FCGR3B: variants seen among roughly 807,000 people sequenced by gnomAD.
FCGR3B encodes Fc gamma receptor IIIb, also known as low affinity immunoglobulin gamma Fc region receptor III-B.
In FCGR3B, 20 loss-of-function variants were observed where a neutral mutation model predicts 26.7. The observed-to-expected ratio is 0.75, with a 90% CI of 0.53 to 1.09. FCGR3B has a LOEUF of 1.09. Among genes scored for constraint, FCGR3B ranks in the 50% least tolerant of loss-of-function variants. FCGR3B has a pLI of 0.00. For synonymous variants in FCGR3B, 79 were observed against 107.0 expected (o/e 0.74, Z 1.62); for missense variants, 191 against 279.7 (o/e 0.68, Z 2.26).
chr1:161,628,000 G>A lies in FCGR3B; in HGVS notation c.320-1598C>T, dbSNP rs189579036. On this transcript the variant is annotated intron_variant, in intron 3 of 4. Coordinates refer to ENST00000650385, the MANE Select transcript of FCGR3B (RefSeq NM_001244753.2). ...AAGAAGTAAAAAATGCAGGCTGGGC[G>A]CGGTGGCTCACATCTGTAATCCTAG... Among the ~76,000 whole-genome samples, 72 of 150,366 alleles carry A rather than the reference G, an allele frequency of 4.8e-4. 3 individuals carry two copies. Among genetic ancestry groups the A allele is most frequent in the Admixed American group, 1.1e-3 (16 of 15,026 alleles).
chr1:161,630,731 C>T (rs513242), intron 1 of FCGR3B: 192,388 of 542,366 alleles, frequency 0.35, 32,273 homozygotes, highest in East Asian at 0.5. Flanking sequence ...AAATTAAAAA[C>T]CATAGAGGAG....
At position 161,626,247 on chromosome 1, in the gene FCGR3B, T is replaced by C. The variant is rs1246204092; in HGVS notation, c.475A>G (p.Ile159Val). Residue 159 changes from isoleucine to valine, a missense_variant, in exon 4 of 5, where the codon ATT becomes GTT. Around this residue, in one of 2 missense-constraint regions of FCGR3B, gnomAD observed 103 missense variants for 114.5 expected, o/e 0.90. Transcript: ENST00000650385. ...CTATCTTTGAGTGTGGCTTTTGGAA[T>C]GTGGAAGTCAGAATTATGATGAAAA... ...KYFHHNSDFH[I>V]PKATLKDSGS... 1 of 1,608,562 alleles carries C rather than the reference T, an allele frequency of 6.2e-7. No homozygotes were observed. The highest frequency in any genetic ancestry group is 8.5e-7 in the Non-Finnish European group (1 of 1,177,700).
chr1:161,630,976 A>T, intron 1 of FCGR3B, 79 bp downstream of exon 1: 1 of 1,511,196 alleles, frequency 6.6e-7, no homozygotes, highest in Non-Finnish European at 8.8e-7. Flanking sequence ...TGGGAGTCTC[A>T]TTCGTAGCCT....
In FCGR3B at chr1:161,628,252, G is replaced by A. The variant is rs1679573026; in HGVS notation, c.319+1526C>T. On this transcript the variant is annotated intron_variant, in intron 3 of 4. Coordinates refer to ENST00000650385, the MANE Select transcript of FCGR3B (RefSeq NM_001244753.2). ...TGCGCCACTGCACTCCAGCTTGGGT[G>A]ACAGAGAGAAACTCTGTCTCAAAAA... Among the ~76,000 whole-genome samples the A allele has an allele frequency of 2.0e-5, 3 of 149,972 alleles. 1 individual carries two copies. The highest frequency in any genetic ancestry group is 7.5e-5 in the African/African-American group (3 of 40,256).
Position 161,629,995 on chromosome 1 carries a change from C to G in FCGR3B, c.102G>C (p.Trp34Cys). Residue 34 changes from tryptophan to cysteine, a missense_variant, in exon 3 of 5, where the codon TGG becomes TGC. Trp to Cys is a radical substitution (Grantham distance 215). This residue lies in a region of FCGR3B where 88 missense variants were observed against 165.2 expected (regional missense o/e 0.53). Coordinates refer to ENST00000650385, the MANE Select transcript of FCGR3B (RefSeq NM_001244753.2). ...PKAVVFLEPQ[W>C]YSVLEKDSVT... The stretch of plus-strand genomic sequence containing the variant: ...CACTGTCCTTCTCAAGCACGCTGTA[C>G]CATTGAGGCTCCAGGAACACCACAG... 4 of 1,384,672 alleles carry G rather than the reference C, an allele frequency of 2.9e-6. 1 individual carries two copies. The highest frequency in any genetic ancestry group is 3.8e-6 in the Non-Finnish European group (4 of 1,040,832). 85.8% of individuals were successfully genotyped at this position (1,384,672 alleles called of 1,614,324 possible).
At chr1:161,631,317 G>A, upstream of FCGR3B, 1 of 1,122,168 alleles carries the variant, frequency 8.9e-7, no homozygotes, top group Non-Finnish European at 1.3e-6. Context: ...CTGGAGGCAA[G>A]GTGGGTGGGT....
At chr1:161,628,186 T>A (rs1425111740) in intron 3 of FCGR3B, among the ~76,000 whole-genome samples, 1 of 149,962 alleles carries the variant, frequency 6.7e-6, no homozygotes, top group Non-Finnish European at 1.5e-5. Flanking sequence ...AGCAGGAGAA[T>A]CGCTGGAACC....
In FCGR3B at chr1:161,626,214, A is replaced by C. The variant is rs371517248; in HGVS notation, c.508T>G (p.Tyr170Asp). Residue 170 changes from tyrosine to aspartate, a missense_variant, in exon 4 of 5, where the codon TAC (tyrosine) becomes GAC (aspartate). Physicochemically the swap from Tyr to Asp is radical, Grantham distance 160. Coordinates refer to ENST00000650385, the MANE Select transcript of FCGR3B (RefSeq NM_001244753.2). ...CTCCCAACAAGCCCCCTGCAGAAGT[A>C]GGAGCCGCTATCTTTGAGTGTGGCT... ...PKATLKDSGSYFCRGLVGSKN... is the reference protein window; with the variant it reads ...PKATLKDSGSDFCRGLVGSKN... The C allele has an allele frequency of 6.2e-7, 1 of 1,608,726 alleles. No individual in the cohort carries two copies. The highest frequency in any genetic ancestry group is 8.5e-7 in the Non-Finnish European group (1 of 1,177,620).
intron 3 of FCGR3B, among the ~76,000 whole-genome samples, chr1:161,627,661 A>G (rs1679530888): frequency 6.7e-6 from 1 of 150,360 alleles, no homozygotes; most frequent in Admixed American, 6.6e-5. Flanking sequence ...GCATAAAGTC[A>G]TGGTTAGTAT....
chr1:161,626,195 A>G lies in FCGR3B; in HGVS notation c.527T>C (p.Val176Ala). Reference sequence around the variant, plus strand: ...CTCTGAAGACACATTTTTACTCCCAACAAGCCCCCTGCAGAAGTAGGAGCC... The same window carrying G: ...CTCTGAAGACACATTTTTACTCCCAGCAAGCCCCCTGCAGAAGTAGGAGCC... ...DSGSYFCRGL[V>A]GSKNVSSETV... The change falls in exon 4 of 5, where the codon GTT (valine) becomes GCT (alanine). Residue 176 changes from valine to alanine, a missense_variant. Physicochemically the swap from Val to Ala is moderately conservative, Grantham distance 64. Transcript: ENST00000650385. 6 of 1,609,606 alleles carry G rather than the reference A, an allele frequency of 3.7e-6. No homozygotes were observed. The highest frequency in any genetic ancestry group is 5.1e-6 in the Non-Finnish European group (6 of 1,178,292).
At chr1:161,627,135 A>G (rs909381432) in intron 3 of FCGR3B, among the ~76,000 whole-genome samples, 1 of 150,286 alleles carries the variant, frequency 6.7e-6, no homozygotes, top group Non-Finnish European at 1.5e-5. Context: ...ACATGAGGTC[A>G]TGGTCGGGAA....
chr1:161,624,090 T>TC lies in FCGR3B; in HGVS notation c.*424dup, dbSNP rs67373090. On this transcript the variant is annotated 3_prime_UTR_variant, in exon 5 of 5. Transcript: ENST00000650385. ...TTTAGGAATAATTATTTTCTTTTTT[T>TC]CCCTCTAAACTGGGTAATTTATAAT... The TC allele has an allele frequency of 0.64, 101,934 of 158,634 alleles. 33,681 individuals carry two copies. The highest frequency in any genetic ancestry group is 0.71 in the Middle Eastern group (213 of 302). 9.8% of individuals were successfully genotyped at this position (158,634 alleles called of 1,614,324 possible). A position where few individuals can be genotyped will look rare whatever the true frequency, so the allele number is the denominator to read the frequency against.
chr1:161,629,439 A>AT lies in FCGR3B; in HGVS notation c.319+338dup, dbSNP rs200446127. Reference sequence around the variant, plus strand: ...GTGATACTCTGTCTCAAAAAATAAAATTAAAAAAAATGAAAATAAATAAAT... The same window carrying AT: ...GTGATACTCTGTCTCAAAAAATAAAATTTAAAAAAAATGAAAATAAATAAAT... On this transcript the variant is annotated intron_variant, in intron 3 of 4. Transcript: ENST00000650385. Among the ~76,000 whole-genome samples the AT allele has an allele frequency of 2.2e-3, 143 of 64,564 alleles. 5 individuals carry two copies. The highest frequency in any genetic ancestry group is 8.0e-3 in the African/African-American group (136 of 17,002). The allele number at this position is 64,564 out of a possible 152,430, so 42.4% of individuals were successfully genotyped here.
chr1:161,626,810 A>C (rs561678613), intron 3 of FCGR3B, among the ~76,000 whole-genome samples: 1 of 150,508 alleles, frequency 6.6e-6, no homozygotes, highest in East Asian at 1.9e-4. Flanking sequence ...CTATTAGAGG[A>C]AAAGGTAGAT....
chr1:161,625,142 C>T (rs1478734142), intron 4 of FCGR3B, among the ~76,000 whole-genome samples: 1 of 136,172 alleles, frequency 7.3e-6, no homozygotes, highest in Non-Finnish European at 1.6e-5. Context: ...TCCCTAACCA[C>T]TTGGGAGTAT....
In FCGR3B at chr1:161,626,188, A is replaced by G. The variant is rs746500816; in HGVS notation, c.534T>C (p.Ser178=). 16 of 1,609,152 alleles carry G rather than the reference A, an allele frequency of 9.9e-6. 2 individuals are homozygous for G. In the South Asian group the frequency reaches 1.7e-4, roughly 17 times the overall value. ...TCACAGTCTCTGAAGACACATTTTT[A>G]CTCCCAACAAGCCCCCTGCAGAAGT... ...GSYFCRGLVG[S]KNVSSETVNI... is the part of the protein sequence containing the mutation. Residue 178 remains serine, a synonymous_variant, in exon 4 of 5, where the codon AGT becomes AGC. Coordinates refer to ENST00000650385, the MANE Select transcript of FCGR3B (RefSeq NM_001244753.2).
In FCGR3B at chr1:161,624,395, A is replaced by T; in HGVS notation, c.*120T>A. ...CTGAGGATGATGGGGTTGCAAATCC[A>T]GAGAAATGTTCAGAGATGCTGCTGC... On this transcript the variant is annotated 3_prime_UTR_variant, in exon 5 of 5. Transcript: ENST00000650385. 3.2e-6 allele frequency: 4 copies of T among 1,232,818 alleles called. No homozygotes were observed. The highest frequency in any genetic ancestry group is 4.6e-6 in the Non-Finnish European group (4 of 875,304). 76.4% of individuals were successfully genotyped at this position (1,232,818 alleles called of 1,614,324 possible).
In FCGR3B at chr1:161,631,055, C is replaced by A. The variant is rs1168747713; in HGVS notation, c.40G>T (p.Val14Phe). 1.2e-6 allele frequency: 2 copies of A among 1,605,326 alleles called. No individual in the cohort carries two copies. The highest frequency in any genetic ancestry group is 1.7e-6 in the Non-Finnish European group (2 of 1,176,872). The change falls in exon 1 of 5, where the codon GTT becomes TTT. Residue 14 changes from valine to phenylalanine, a missense_variant and splice_region_variant. Transcript: ENST00000650385. ...LLLPTALLLL[V>F]SAGMRTEDLP... is the part of the protein sequence containing the mutation. ...CTCAACCAGGGAGATCCTGACTTAC[C>A]TAGAAGTAGCAGAGCAGTTGGGAGG...
chr1:161,624,432 T>C lies in FCGR3B; in HGVS notation c.*83A>G, dbSNP rs1004786602. 3.8e-5 allele frequency: 56 copies of C among 1,481,370 alleles called. No homozygotes were observed. Among genetic ancestry groups the C allele is most frequent in the Non-Finnish European group, 5.1e-5 (55 of 1,080,044 alleles). 91.8% of individuals were successfully genotyped at this position (1,481,370 alleles called of 1,614,324 possible). A position where few individuals can be genotyped will look rare whatever the true frequency, so the allele number is the denominator to read the frequency against. ...AGAGATGCTGCTGCCACTGCTCTTA[T>C]TACCCCCATGGGATGGGGGTCATGT... On this transcript the variant is annotated 3_prime_UTR_variant, in exon 5 of 5. Coordinates refer to ENST00000650385, the MANE Select transcript of FCGR3B (RefSeq NM_001244753.2).
Sources: gnomAD v4.1 joint callset for allele counts (sites outside exome capture counted in the v4.1 genomes callset) on GRCh38, gnomAD v4.1.1 for gene constraint, gnomAD v4.1.1 regional missense constraint, MANE v1.5 for transcripts, NCBI Gene and HGNC (gene_info 2026-07-23, HGNC 2026-07-21) for gene names.